The following ATG7 variants were observed in gnomAD, a reference collection of about 807,000 sequenced individuals.
ATG7 encodes the protein autophagy related 7, also known as ubiquitin-like modifier-activating enzyme ATG7.
Under a neutral mutation model 82.4 loss-of-function variants are expected in ATG7, and 70 were observed. That is an observed-to-expected ratio of 0.85 (90% CI 0.70 to 1.04). The LOEUF is 1.04. ATG7 is among the 50% of genes least tolerant of loss of function. ATG7 has a pLI of 0.00. For missense variants in ATG7, 792 were observed against 864.3 expected (o/e 0.92, Z 1.05); for synonymous variants, 287 against 313.0 (o/e 0.92, Z 0.88).
intron 20 of ATG7, among the ~76,000 whole-genome samples, chr3:11,540,084 C>G (rs1369932269): frequency 6.6e-6 from 1 of 152,128 alleles, no homozygotes; most frequent in Admixed American, 6.5e-5. Context: ...ATTGCTGGGT[C>G]CTATGGTGGA....
At chr3:11,390,609 C>A (rs1476308033) in intron 19 of ATG7, among the ~76,000 whole-genome samples, 1 of 151,796 alleles carries the variant, frequency 6.6e-6, no homozygotes, top group African/African-American at 2.4e-5. Context: ...CTTTTACTCT[C>A]ACAGTATTTT....
intron 19 of ATG7, among the ~76,000 whole-genome samples, chr3:11,423,152 GT>G (rs2152935861): frequency 6.6e-6 from 1 of 152,248 alleles, no homozygotes; most frequent in South Asian, 2.1e-4. Flanking sequence ...ATTCAGTATT[GT>G]TTTGTTGCAG....
intron 3 of ATG7, among the ~76,000 whole-genome samples, chr3:11,288,492 C>G (rs1329471683): frequency 1.3e-5 from 2 of 152,174 alleles, no homozygotes; most frequent in Admixed American, 1.3e-4. Context: ...TTTTATCTCT[C>G]TCTTTGTCTT....
At chr3:11,415,146 CG>C (rs2081259579) in intron 19 of ATG7, among the ~76,000 whole-genome samples, 1 of 152,152 alleles carries the variant, frequency 6.6e-6, no homozygotes, top group South Asian at 2.1e-4. Flanking sequence ...TATAACACAA[CG>C]GTAAGTACTT....
intron 20 of ATG7, among the ~76,000 whole-genome samples, chr3:11,456,221 A>T (rs2085698889): frequency 6.6e-6 from 1 of 152,182 alleles, no homozygotes; most frequent in Non-Finnish European, 1.5e-5. Context: ...AACATCTCAT[A>T]TAAATGGAAT....
chr3:11,466,955 C>A (rs144585307), intron 20 of ATG7, among the ~76,000 whole-genome samples: 7 of 152,218 alleles, frequency 4.6e-5, no homozygotes, highest in African/African-American at 1.2e-4. Context: ...CATGGTGAAA[C>A]CCCATCTCTA....
At chr3:11,379,191 G>T (rs1409551328) in intron 18 of ATG7, among the ~76,000 whole-genome samples, 2 of 152,126 alleles carry the variant, frequency 1.3e-5, no homozygotes, top group Non-Finnish European at 2.9e-5. Context: ...TATTTGTGTT[G>T]TCTGGTTTAT....
At chr3:11,301,833 T>G (rs898546256) in intron 5 of ATG7, among the ~76,000 whole-genome samples, 1 of 152,222 alleles carries the variant, frequency 6.6e-6, no homozygotes, top group African/African-American at 2.4e-5. Context: ...CTCCTATCCT[T>G]ATCCTTCTAC....
At chr3:11,357,729 G>A (rs1480553980) in intron 14 of ATG7, among the ~76,000 whole-genome samples, 1 of 152,104 alleles carries the variant, frequency 6.6e-6, no homozygotes, top group Non-Finnish European at 1.5e-5. Flanking sequence ...GAGGTACTTT[G>A]GCAGGGTACG....
rs144340340 is a variant in ATG7, at chr3:11,360,366, A to G, written c.1480-215A>G. 2.0e-5 allele frequency among the ~76,000 whole-genome samples: 3 copies of G among 152,296 alleles called. 1 individual carries two copies. Among genetic ancestry groups the G allele is most frequent in the Non-Finnish European group, 4.4e-5 (3 of 68,032 alleles). Reference sequence around the variant, plus strand: ...CTGGTCTGTTATGAGTTTCAAATGAAATTAAATGAGATAATTTATGTTCAT... The same window carrying G: ...CTGGTCTGTTATGAGTTTCAAATGAGATTAAATGAGATAATTTATGTTCAT... On this transcript the variant is annotated intron_variant, in intron 15 of 20. Transcript: ENST00000693202.
At chr3:11,492,519 T>G (rs1331000183) in intron 20 of ATG7, among the ~76,000 whole-genome samples, 4 of 152,152 alleles carry the variant, frequency 2.6e-5, no homozygotes, top group Non-Finnish European at 5.9e-5. Flanking sequence ...CACCCTTTGC[T>G]GAGGGACTCG....
At chr3:11,564,702 C>A in the ATG7 span, 1 of 1,431,940 alleles carries the variant, frequency 7.0e-7, no homozygotes, top group Non-Finnish European at 9.4e-7. Flanking sequence ...CCCTCCCTCA[C>A]CACCGCCCTC....
downstream of ATG7, chr3:11,558,435 A>C: frequency 7.9e-6 from 11 of 1,397,376 alleles, no homozygotes; most frequent in East Asian, 2.5e-5. Flanking sequence ...GGTTTTTGCA[A>C]ATAAACCATC....
intron 1 of ATG7, among the ~76,000 whole-genome samples, chr3:11,279,801 C>T (rs188024807): frequency 4.7e-4 from 71 of 152,326 alleles, no homozygotes; most frequent in African/African-American, 1.7e-3. Context: ...AGATATCCCT[C>T]CTCCTATAAC....
intron 20 of ATG7, among the ~76,000 whole-genome samples, chr3:11,429,806 G>A (rs982791885): frequency 3.9e-5 from 6 of 152,130 alleles, no homozygotes; most frequent in African/African-American, 4.8e-5. Flanking sequence ...AATCTAGCCC[G>A]GTGTGGCAAT....
intron 15 of ATG7, among the ~76,000 whole-genome samples, chr3:11,359,001 A>G (rs576426429): frequency 1.3e-5 from 2 of 152,332 alleles, no homozygotes; most frequent in Admixed American, 1.3e-4. Context: ...GTATGCAGCC[A>G]TTCACAGTTA....
chr3:11,570,896 G>C, the ATG7 span, among the ~76,000 whole-genome samples: 2 of 152,178 alleles, frequency 1.3e-5, no homozygotes, highest in Non-Finnish European at 2.9e-5. Context: ...GTGAGTGGGA[G>C]AATTCACTGC....
chr3:11,317,584 CTTTTTTTTTTT>C (rs370026914), intron 9 of ATG7, among the ~76,000 whole-genome samples: 1 of 114,474 alleles, frequency 8.7e-6, no homozygotes, highest in Non-Finnish European at 1.7e-5. Flanking sequence ...TTCTTTCTTT[CTTTTTTTTTTT>C]TTTTTTTTTG....
At chr3:11,441,330 G>C (rs2083933097) in intron 20 of ATG7, among the ~76,000 whole-genome samples, 1 of 152,044 alleles carries the variant, frequency 6.6e-6, no homozygotes, top group African/African-American at 2.4e-5. Flanking sequence ...TGAAACCTCT[G>C]CCTCCAGGTC....
Sources: gnomAD v4.1 joint callset for allele counts (sites outside exome capture counted in the v4.1 genomes callset) on GRCh38, gnomAD v4.1.1 for gene constraint, MANE v1.5 for transcripts, NCBI Gene and HGNC (gene_info 2026-07-23, HGNC 2026-07-21) for gene names.